The following CXXC4 variants were observed in gnomAD, a reference collection of about 807,000 sequenced individuals.
The protein encoded by CXXC4 is CXXC finger protein 4.
In CXXC4, 5 loss-of-function variants were observed where a neutral mutation model predicts 20.5. That is an observed-to-expected ratio of 0.24 (90% CI 0.13 to 0.51). The LOEUF (loss-of-function observed/expected upper bound fraction) is 0.51, where lower values mean the gene tolerates loss of function less well. CXXC4 is among the 20% of genes least tolerant of loss of function. The pLI is 0.97. For synonymous variants in CXXC4, 250 were observed against 216.4 expected (o/e 1.16, Z -1.36); for missense variants, 419 against 496.4 (o/e 0.84, Z 1.48).
rs545765114 is a variant in CXXC4, at chr4:104,481,358, C to T, written c.1060-8992G>A. ...CAGCCTGGCCAACATGGTGAAACCC[C>T]ATCTCTACTAAAGAAAATACAAAAA... On this transcript the variant is annotated intron_variant, in intron 2 of 2. Coordinates refer to ENST00000394767, the MANE Select transcript of CXXC4 (RefSeq NM_025212.4). 8.9e-4 allele frequency among the ~76,000 whole-genome samples: 136 copies of T among 152,118 alleles called. 1 individual carries two copies. Among genetic ancestry groups the T allele is most frequent in the African/African-American group, 3.1e-3 (127 of 41,530 alleles).
chr4:104,468,385 T>A lies in CXXC4; in HGVS notation c.*3937A>T, dbSNP rs1325635772. ...CTTTACTGGGCAAATTGAATGTGAT[T>A]TTTTTTACTTTTTTTTTTTTTTTAC... On this transcript the variant is annotated 3_prime_UTR_variant, in exon 3 of 3. Transcript: ENST00000394767. The A allele has an allele frequency of 1.1e-5, 1 of 92,160 alleles. No individual in the cohort carries two copies. Among genetic ancestry groups the A allele is most frequent in the Non-Finnish European group, 2.1e-5 (1 of 47,788 alleles). The allele number at this position is 92,160 out of a possible 1,614,324, so 5.7% of individuals were successfully genotyped here. A position where few individuals can be genotyped will look rare whatever the true frequency, so the allele number is the denominator to read the frequency against.
chr4:104,469,803 T>C lies in CXXC4; in HGVS notation c.*2519A>G, dbSNP rs1475323990. ...AAACATAAGAGAATTAATGAAAAGCTACACTTTCTCATTTCAGTAATCAAC... is the reference window on the plus strand; with the variant it reads ...AAACATAAGAGAATTAATGAAAAGCCACACTTTCTCATTTCAGTAATCAAC... On this transcript the variant is annotated 3_prime_UTR_variant, in exon 3 of 3. Transcript: ENST00000394767. 2 of 152,050 alleles carry C rather than the reference T, an allele frequency of 1.3e-5. No homozygotes were observed. The highest frequency in any genetic ancestry group is 2.4e-5 in the African/African-American group (1 of 41,440). The allele number at this position is 152,050 out of a possible 1,614,324, so 9.4% of individuals were successfully genotyped here.
Position 104,491,577 on chromosome 4 carries a change from C to CGGCGCT in CXXC4, c.220_225dup (p.Ser74_Ala75dup). 6.6e-7 allele frequency: 1 copy of CGGCGCT among 1,518,206 alleles called. No individual in the cohort carries two copies. The highest frequency in any genetic ancestry group is 8.8e-7 in the Non-Finnish European group (1 of 1,133,002). 94.0% of individuals were successfully genotyped at this position (1,518,206 alleles called of 1,614,324 possible). A position where few individuals can be genotyped will look rare whatever the true frequency, so the allele number is the denominator to read the frequency against. The stretch of plus-strand genomic sequence containing the variant: ...ATGCGCGCGGCGGCCGCGGCGGCGG[C>CGGCGCT]GGCGCTGCTGGGGAAGATGGGGGTG... On this transcript the variant is annotated inframe_insertion, in exon 2 of 3. Transcript: ENST00000394767.
intron 1 of CXXC4, 35 bp downstream of exon 1, chr4:104,494,666 G>C (rs1272927094): frequency 1.3e-5 from 2 of 149,020 alleles, no homozygotes; most frequent in African/African-American, 4.9e-5. Context: ...GTTGGGGGGG[G>C]GGGGGTAAAT....
rs1002981408 is a variant in CXXC4 at position 104,483,774 on chromosome 4, C to T, written c.1059+6970G>A. ...TCAAATAAAAGTATTGGGTTAGTAA[C>T]GTGAAACATAAACACACACACACAT... On this transcript the variant is annotated intron_variant, in intron 2 of 2. Coordinates refer to ENST00000394767, the MANE Select transcript of CXXC4 (RefSeq NM_025212.4). Among the ~76,000 whole-genome samples, 51 of 151,792 alleles carry T rather than the reference C, an allele frequency of 3.4e-4. 1 individual carries two copies. The highest frequency in any genetic ancestry group is 2.1e-4 in the Non-Finnish European group (14 of 67,784).
rs1736214251 is a variant in CXXC4, at chr4:104,469,710, T to C, written c.*2612A>G. The C allele has an allele frequency of 1.3e-5, 2 of 152,024 alleles. No homozygotes were observed. Among genetic ancestry groups the C allele is most frequent in the African/African-American group, 4.8e-5 (2 of 41,422 alleles). The allele number at this position is 152,024 out of a possible 1,614,324, so 9.4% of individuals were successfully genotyped here. A position where few individuals can be genotyped will look rare whatever the true frequency, so the allele number is the denominator to read the frequency against. On this transcript the variant is annotated 3_prime_UTR_variant, in exon 3 of 3. Transcript: ENST00000394767. ...TGAGAACTTTATATGCATCCTACAT[T>C]ATATAAATGGAGTTTAACCAAAAAC...
intron 2 of CXXC4, among the ~76,000 whole-genome samples, chr4:104,477,215 C>T (rs773242462): frequency 2.0e-5 from 3 of 152,088 alleles, no homozygotes; most frequent in African/African-American, 4.8e-5. Context: ...TTGTTTGTGG[C>T]TACATATAAA....
chr4:104,483,222 TA>T (rs902067196), intron 2 of CXXC4, among the ~76,000 whole-genome samples: 233 of 151,220 alleles, frequency 1.5e-3, no homozygotes, highest in African/African-American at 5.4e-3. Flanking sequence ...GTCTAGTCAT[TA>T]AAAAAAAATT....
chr4:104,485,144 A>G (rs1486458058), intron 2 of CXXC4, among the ~76,000 whole-genome samples: 3 of 152,106 alleles, frequency 2.0e-5, no homozygotes, highest in Non-Finnish European at 4.4e-5. Flanking sequence ...AGAATGCCCT[A>G]CTTCCCCAGC....
rs1188554279 is a variant in CXXC4, at chr4:104,491,364, A to C, written c.439T>G (p.Ser147Ala). The C allele has an allele frequency of 5.6e-5, 80 of 1,415,976 alleles. No individual in the cohort carries two copies. The highest frequency in any genetic ancestry group is 9.6e-5 in the African/African-American group (6 of 62,278). 87.7% of individuals were successfully genotyped at this position (1,415,976 alleles called of 1,614,324 possible). A position where few individuals can be genotyped will look rare whatever the true frequency, so the allele number is the denominator to read the frequency against. ...GCGGGGAGGATCGCCGAGGAGGAGG[A>C]GGCGGAGGAGGAGGCGGCGGCGGAG... ...SSSAAASSSASSSSAILPAGG... is the reference protein window; with the variant it reads ...SSSAAASSSAASSSAILPAGG... Residue 147 changes from serine to alanine, a missense_variant, in exon 2 of 3, where the codon TCC (serine) becomes GCC (alanine). By Grantham distance (99) the Ser-to-Ala change is moderately conservative. This residue lies in a region of CXXC4 where 388 missense variants were observed against 416.0 expected (regional missense o/e 0.93). Coordinates refer to ENST00000394767, the MANE Select transcript of CXXC4 (RefSeq NM_025212.4).
At chr4:104,474,727 A>T (rs1416372850) in intron 2 of CXXC4, among the ~76,000 whole-genome samples, 1 of 152,104 alleles carries the variant, frequency 6.6e-6, no homozygotes, top group Non-Finnish European at 1.5e-5. Context: ...TTACTCTCAG[A>T]TGCCAACTGG....
chr4:104,475,670 T>G (rs1736383872), intron 2 of CXXC4, among the ~76,000 whole-genome samples: 1 of 152,152 alleles, frequency 6.6e-6, no homozygotes, highest in Non-Finnish European at 1.5e-5. Context: ...AGCACACCAA[T>G]GTGCGGGATT....
rs924774183 is a variant in CXXC4 at position 104,490,684 on chromosome 4, G to A, written c.1059+60C>T. 1.3e-5 allele frequency: 18 copies of A among 1,403,988 alleles called. No individual in the cohort carries two copies. The Admixed American group carries it at 1.6e-4, about 12-fold the overall frequency. The allele number at this position is 1,403,988 out of a possible 1,614,324, so 87.0% of individuals were successfully genotyped here. A position where few individuals can be genotyped will look rare whatever the true frequency, so the allele number is the denominator to read the frequency against. ...TGAAGCCAGACAAGAATCCCTGAAG[G>A]GGAGAGGGAGTGAGGAGGGAAGGGG... On this transcript the variant is annotated intron_variant, in intron 2 of 2. Coordinates refer to ENST00000394767, the MANE Select transcript of CXXC4 (RefSeq NM_025212.4).
At chr4:104,477,424 G>A (rs961962067) in intron 2 of CXXC4, among the ~76,000 whole-genome samples, 1 of 152,008 alleles carries the variant, frequency 6.6e-6, no homozygotes, top group Non-Finnish European at 1.5e-5. Flanking sequence ...TATTGTGAAT[G>A]TGAACAAACT....
intron 1 of CXXC4, 25 bp from the exon 2 acceptor site, chr4:104,492,084 C>G (rs977844439): frequency 1.8e-5 from 5 of 282,180 alleles, no homozygotes; most frequent in East Asian, 6.3e-5. Flanking sequence ...GTCATTCCAA[C>G]GAGCTGCACG....
intron 2 of CXXC4, among the ~76,000 whole-genome samples, chr4:104,483,565 T>C (rs1488161386): frequency 4.6e-5 from 7 of 152,104 alleles, no homozygotes; most frequent in Admixed American, 4.6e-4. Flanking sequence ...CATATCTACC[T>C]GTTTTATTTC....
chr4:104,474,502 GCTAA>G (rs1373316524), intron 2 of CXXC4, among the ~76,000 whole-genome samples: 3 of 151,892 alleles, frequency 2.0e-5, no homozygotes, highest in Non-Finnish European at 4.4e-5. Flanking sequence ...TATACCAGAT[GCTAA>G]CTTACTGGCT....
rs1182517914 is a variant in CXXC4 at position 104,469,454 on chromosome 4, T to G, written c.*2868A>C. 1.3e-5 allele frequency: 2 copies of G among 152,108 alleles called. No individual in the cohort carries two copies. The highest frequency in any genetic ancestry group is 2.4e-5 in the African/African-American group (1 of 41,434). The allele number at this position is 152,108 out of a possible 1,614,324, so 9.4% of individuals were successfully genotyped here. A position where few individuals can be genotyped will look rare whatever the true frequency, so the allele number is the denominator to read the frequency against. On this transcript the variant is annotated 3_prime_UTR_variant, in exon 3 of 3. Coordinates refer to ENST00000394767, the MANE Select transcript of CXXC4 (RefSeq NM_025212.4). ...ATATAATTATTAAGTTGTGTATAGC[T>G]GTCCACACAATCTACATTCTGAATT...
intron 2 of CXXC4, among the ~76,000 whole-genome samples, chr4:104,481,747 A>G (rs536713611): frequency 6.6e-6 from 1 of 152,264 alleles, no homozygotes; most frequent in South Asian, 2.1e-4. Flanking sequence ...CTTGGAAGAT[A>G]ACAGTTCCAC....
Sources: allele counts gnomAD v4.1 joint callset (sites outside exome capture counted in the v4.1 genomes callset), GRCh38; gene constraint gnomAD v4.1.1; regional missense constraint gnomAD v4.1.1; transcripts MANE v1.5; gene names NCBI Gene and HGNC (gene_info 2026-07-23, HGNC 2026-07-21).